The following RELN variants were observed in gnomAD, a reference collection of about 807,000 sequenced individuals.
RELN encodes the protein reelin.
Under a neutral mutation model 427.6 loss-of-function variants are expected in RELN, and 108 were observed. The observed-to-expected ratio is 0.25, with a 90% CI of 0.22 to 0.30. The LOEUF (loss-of-function observed/expected upper bound fraction) is 0.30, where lower values mean the gene tolerates loss of function less well. RELN is among the 10% of genes least tolerant of loss of function. The pLI is 1.00. For missense variants in RELN, 3,715 were observed against 4,302.8 expected, an observed-to-expected ratio of 0.86 and a Z score of 3.82; for synonymous variants, 1,524 against 1,513.4, an observed-to-expected ratio of 1.01 and a Z score of -0.16.
chr7:103,503,116 C>T lies in RELN; in HGVS notation c.8389G>A (p.Asp2797Asn), dbSNP rs765919904. 126 of 1,614,056 alleles carry T rather than the reference C, an allele frequency of 7.8e-5. No homozygotes were observed. Among genetic ancestry groups the T allele is most frequent in the Non-Finnish European group, 1.1e-4 (124 of 1,180,040 alleles). The stretch of plus-strand genomic sequence containing the variant: ...GAAACACTTCCAGAGCATTTTGGGT[C>T]AGCAGGCAAGCACTGAGGGACCAGA... ...NYLVPQCLPA[D>N]PKCSGSVSQP... Residue 2797 changes from aspartate to asparagine, a missense_variant, in exon 52 of 65, where the codon GAC becomes AAC. Transcript: ENST00000428762.
intron 3 of RELN, among the ~76,000 whole-genome samples, chr7:103,795,283 C>T (rs1176969508): frequency 6.6e-6 from 1 of 152,196 alleles, no homozygotes; most frequent in Non-Finnish European, 1.5e-5. Context: ...AGAAAGTTGT[C>T]TTGTCTGACT....
rs537743273 is a variant in RELN, at chr7:103,651,555, G to GT, written c.1892+105dup. ...ACAAGACCACTTTTAAAGAGGTTAGGTTTCTTACCTATTATGACAAAAATG... is the reference window on the plus strand; with the variant it reads ...ACAAGACCACTTTTAAAGAGGTTAGGTTTTCTTACCTATTATGACAAAAATG... On this transcript the variant is annotated intron_variant, in intron 15 of 64. Coordinates refer to ENST00000428762, the MANE Select transcript of RELN (RefSeq NM_005045.4). 428 of 1,100,678 alleles carry GT rather than the reference G, an allele frequency of 3.9e-4. 4 individuals are homozygous for GT. In the East Asian group the frequency reaches 9.3e-3, roughly 24 times the overall value. The allele number at this position is 1,100,678 out of a possible 1,614,324, so 68.2% of individuals were successfully genotyped here. A position where few individuals can be genotyped will look rare whatever the true frequency, so the allele number is the denominator to read the frequency against.
rs562857246 is a variant in RELN, at chr7:103,537,869, C to T, written c.7180+1209G>A. Among the ~76,000 whole-genome samples the T allele has an allele frequency of 9.2e-5, 14 of 152,310 alleles. No homozygotes were observed. In the South Asian group the frequency reaches 2.7e-3, roughly 29 times the overall value. ...TAAAATCTACTTCAAGCATCAAGGT[C>T]CACTTAAGACTTAGCTCCTTTGTGA... is the stretch of plus-strand genomic sequence containing the variant. On this transcript the variant is annotated intron_variant, in intron 45 of 64. Coordinates refer to ENST00000428762, the MANE Select transcript of RELN (RefSeq NM_005045.4).
intron 2 of RELN, among the ~76,000 whole-genome samples, chr7:103,842,175 A>C (rs1167600776): frequency 6.6e-6 from 1 of 152,146 alleles, no homozygotes; most frequent in Non-Finnish European, 1.5e-5. Flanking sequence ...AATGGCACAA[A>C]TATCTAAGAT....
intron 2 of RELN, among the ~76,000 whole-genome samples, chr7:103,912,039 T>C (rs1207309633): frequency 6.6e-6 from 1 of 152,190 alleles, no homozygotes; most frequent in African/African-American, 2.4e-5. Flanking sequence ...ATTTTAAAGA[T>C]AGTGTTGAAA....
intron 24 of RELN, among the ~76,000 whole-genome samples, chr7:103,601,093 T>G (rs997490494): frequency 2.5e-4 from 38 of 150,992 alleles, no homozygotes; most frequent in African/African-American, 9.0e-4. Context: ...AATATTGATA[T>G]GTAACCCTTT....
chr7:103,768,879 C>A (rs997741829), intron 4 of RELN, among the ~76,000 whole-genome samples: 1 of 152,154 alleles, frequency 6.6e-6, no homozygotes, highest in Non-Finnish European at 1.5e-5. Context: ...ACAGCAGACT[C>A]GTCCCTTCTC....
rs39345 is a variant in RELN, at chr7:103,824,576, A to G, written c.473+8961T>C. ...GTTCCTATTTCTTGACCCAGCTTTG[A>G]TATGTCTCCTTTCTTCTGGAAACCA... On this transcript the variant is annotated intron_variant, in intron 3 of 64. Transcript: ENST00000428762. This position sits in a 1 kb window ranked among gnomAD's most constrained non-coding sequence, Gnocchi z 4.4. Among the ~76,000 whole-genome samples the G allele has an allele frequency of 0.13, 20,070 of 150,482 alleles. 1,604 individuals carry two copies. Among genetic ancestry groups the G allele is most frequent in the Middle Eastern group, 0.27 (80 of 292 alleles).
intron 2 of RELN, among the ~76,000 whole-genome samples, chr7:103,884,656 T>C (rs1794683257): frequency 6.6e-6 from 1 of 152,178 alleles, no homozygotes; most frequent in Admixed American, 6.5e-5. Context: ...AGAAGACATT[T>C]ATGCACCCAA....
chr7:103,600,641 C>T (rs1288529162), intron 24 of RELN, among the ~76,000 whole-genome samples: 2 of 152,062 alleles, frequency 1.3e-5, no homozygotes, highest in Non-Finnish European at 2.9e-5. Flanking sequence ...CTTTTTTTTA[C>T]TTAAGATAGT....
intron 8 of RELN, among the ~76,000 whole-genome samples, chr7:103,711,396 C>G (rs921098212): frequency 6.6e-6 from 1 of 152,126 alleles, no homozygotes; most frequent in Non-Finnish European, 1.5e-5. Context: ...TCCTACATTT[C>G]AAAAATGTCT....
intron 8 of RELN, among the ~76,000 whole-genome samples, chr7:103,722,785 G>A (rs998355317): frequency 3.9e-5 from 6 of 152,162 alleles, no homozygotes; most frequent in African/African-American, 1.4e-4. Context: ...GTTAGTCAGA[G>A]CTCAGGAAAT....
chr7:103,909,755 T>A lies in RELN; in HGVS notation c.337+7320A>T, dbSNP rs1242284914. On this transcript the variant is annotated intron_variant, in intron 2 of 64. Coordinates refer to ENST00000428762, the MANE Select transcript of RELN (RefSeq NM_005045.4). ...TTTTAATATATATAAATATATATAT[T>A]AAATATATATATTTAATATATATAA... 9.0e-4 allele frequency among the ~76,000 whole-genome samples: 77 copies of A among 85,460 alleles called. 5 individuals carry two copies. The highest frequency in any genetic ancestry group is 5.0e-3 in the African/African-American group (75 of 15,128). The allele number at this position is 85,460 out of a possible 152,430, so 56.1% of individuals were successfully genotyped here.
intron 42 of RELN, among the ~76,000 whole-genome samples, chr7:103,544,383 C>A: frequency 6.6e-6 from 1 of 151,616 alleles, no homozygotes; most frequent in East Asian, 1.9e-4. Context: ...TGCCTGCCAG[C>A]GTGCCCGGCT....
rs143562936 is a variant in RELN, at chr7:103,489,120, C to T, written c.9763+622G>A. ...AGCAATTTCCTGTGATGTGAAGGGT[C>T]GAGTAGATACTCTCTGCCCTGGATA... On this transcript the variant is annotated intron_variant, in intron 60 of 64. Transcript: ENST00000428762. 1.4e-4 allele frequency among the ~76,000 whole-genome samples: 22 copies of T among 151,962 alleles called. No individual in the cohort carries two copies. In the East Asian group the frequency reaches 3.1e-3, roughly 21 times the overall value.
At chr7:103,787,500 G>T (rs1218419266) in intron 3 of RELN, among the ~76,000 whole-genome samples, 1 of 151,854 alleles carries the variant, frequency 6.6e-6, no homozygotes, top group Non-Finnish European at 1.5e-5. Context: ...GATAAACGGG[G>T]TATCACCACT....
chr7:103,789,246 A>C (rs553541833), intron 3 of RELN, among the ~76,000 whole-genome samples: 1 of 152,316 alleles, frequency 6.6e-6, no homozygotes, highest in South Asian at 2.1e-4. Flanking sequence ...CCTAGTAGAA[A>C]ACCTAGGCAA....
intron 24 of RELN, among the ~76,000 whole-genome samples, chr7:103,600,039 G>C (rs1420886103): frequency 6.7e-6 from 1 of 149,264 alleles, no homozygotes; most frequent in African/African-American, 2.5e-5. Flanking sequence ...TTGGAGTACA[G>C]GCATGCCCCA....
At chr7:103,575,810 T>G in intron 28 of RELN, 105 bp from the exon 29 acceptor site, 1 of 1,257,698 alleles carries the variant, frequency 8.0e-7, no homozygotes, top group Non-Finnish European at 1.2e-6. Flanking sequence ...AATATTTATT[T>G]GAAAGTCATG....
Sources: allele counts gnomAD v4.1 joint callset (sites outside exome capture counted in the v4.1 genomes callset), GRCh38; gene constraint gnomAD v4.1.1; non-coding constraint Gnocchi (gnomAD v3.1); transcripts MANE v1.5; gene names NCBI Gene and HGNC (gene_info 2026-07-23, HGNC 2026-07-21).